The following MAGIX variants were observed in gnomAD, a reference collection of about 807,000 sequenced individuals.
The protein encoded by MAGIX is PDZ domain-containing protein MAGIX.
Under a neutral mutation model 10.0 loss-of-function variants are expected in MAGIX, and 13 were observed. The observed-to-expected ratio is 1.30, with a 90% CI of 0.84 to 2.06. The LOEUF (loss-of-function observed/expected upper bound fraction) is 2.06. Ranked by LOEUF, MAGIX falls within the 30% of genes most tolerant of loss-of-function variation. The pLI, the probability that MAGIX is intolerant of heterozygous loss-of-function variation, is 0.00. For synonymous variants in MAGIX, 108 were observed against 106.8 expected, an observed-to-expected ratio of 1.01 and a Z score of -0.07; for missense variants, 235 against 245.2, an observed-to-expected ratio of 0.96 and a Z score of 0.28.
intron 1 of MAGIX, 33 bp downstream of exon 1, chrX:49,162,971 G>A (rs782054302): frequency 1.2e-5 from 6 of 521,522 alleles, no homozygotes; most frequent in African/African-American, 2.5e-5. Context: ...GGAAGGACAG[G>A]GCGAGTCGCC....
chrX:49,165,143 G>T (rs1447522920), intron 3 of MAGIX, 47 bp from the exon 5 acceptor site: 3 of 1,200,679 alleles, frequency 2.5e-6, no homozygotes, highest in Middle Eastern at 4.6e-4. Flanking sequence ...CTTTGTTGGG[G>T]TGCTCTCCTT....
chrX:49,165,084 T>C (rs782036059), exon 3 of MAGIX: 1 of 1,203,316 alleles, frequency 8.3e-7, no homozygotes, highest in Non-Finnish European at 1.1e-6. Context: ...GCTGTGGTCG[T>C]TTGGAGGTGA....
At position 49,163,947 on chromosome X, in the gene MAGIX, G is replaced by A; in HGVS notation, c.-55+18G>A. 9.9e-7 allele frequency: 1 copy of A among 1,008,986 alleles called. No homozygotes were observed. The highest frequency in any genetic ancestry group is 1.3e-6 in the Non-Finnish European group (1 of 793,859). The allele number at this position is 1,008,986 out of a possible 1,213,427, so 83.2% of individuals were successfully genotyped here. A position where few individuals can be genotyped will look rare whatever the true frequency, so the allele number is the denominator to read the frequency against. On this transcript the variant is annotated intron_variant, in intron 2 of 4. Transcript: ENST00000616266. ...GAAGGAGGGTGAGTGACTGGCGCAG[G>A]GCCTCCGCTGGGGGAGGGTTCGGAG...
intron 1 of MAGIX, chrX:49,162,852 A>C (rs782050926): frequency 5.7e-6 from 5 of 870,340 alleles, no homozygotes; most frequent in Admixed American, 4.0e-5. Context: ...CAAAATTCGT[A>C]GCTGGCAGCC....
At chrX:49,163,988 T>A in intron 2 of MAGIX, 59 bp downstream of exon 2, 1 of 966,799 alleles carries the variant, frequency 1.0e-6, no homozygotes, top group African/African-American at 2.1e-5. Context: ...TTGGGTTCAG[T>A]GGGACAGGCC....
intron 4 of MAGIX, chrX:49,165,640 A>G: frequency 2.9e-6 from 1 of 342,506 alleles, no homozygotes; most frequent in Non-Finnish European, 5.0e-6. Flanking sequence ...GTCTAGGATA[A>G]AAGCAAGTGT....
At chrX:49,163,649 C>T in intron 1 of MAGIX, 134 bp from the exon 2 acceptor site, 1 of 600,387 alleles carries the variant, frequency 1.7e-6, no homozygotes, top group Non-Finnish European at 2.2e-6. Context: ...CAGCAGTGAC[C>T]TCCGAAACTA....
exon 5 of MAGIX, chrX:49,167,564 G>A (rs1226526384): frequency 1.8e-5 from 2 of 113,088 alleles, no homozygotes; most frequent in African/African-American, 6.4e-5. Flanking sequence ...AGTCCAGGTG[G>A]CCTTGGAGAG....
At chrX:49,165,290 T>C in exon 4 of MAGIX, 1 of 1,182,289 alleles carries the variant, frequency 8.5e-7, no homozygotes, top group Non-Finnish European at 1.1e-6. Flanking sequence ...CAGCTCCACC[T>C]GGTTATTCGT....
At position 49,166,319 on chromosome X, in the gene MAGIX, G is replaced by A. The variant is rs1291961256; in HGVS notation, c.748G>A (p.Glu250Lys). 1.8e-5 allele frequency: 21 copies of A among 1,175,438 alleles called. No individual in the cohort carries two copies. The highest frequency in any genetic ancestry group is 2.2e-5 in the Non-Finnish European group (19 of 877,636). The stretch of plus-strand genomic sequence containing the variant: ...GGGGCCCTGGCTAGTGCCCAGCGAG[G>A]AACGGCTCTCGCGGGCCCTAGGGGT... The change falls in exon 5 of 5, where the codon GAA becomes AAA. Residue 250 changes from glutamate (E) to lysine (K), a missense_variant. Coordinates refer to ENST00000616266, the Ensembl canonical transcript of MAGIX.
At chrX:49,164,761 A>C (rs782405786) in exon 3 of MAGIX, 303 of 1,210,493 alleles carry the variant, frequency 2.5e-4, no homozygotes, top group Non-Finnish European at 3.3e-4. Context: ...CGCCTGCCTC[A>C]TGCCACTATT....
At chrX:49,163,866 G>T in exon 2 of MAGIX, 2 of 1,040,751 alleles carry the variant, frequency 1.9e-6, no homozygotes, top group Non-Finnish European at 2.5e-6. Context: ...GGCGCGAGCT[G>T]CGGTCGACGT....
At chrX:49,164,917 C>T (rs1557097260) in exon 3 of MAGIX, 6 of 1,212,126 alleles carry the variant, frequency 4.9e-6, no homozygotes, top group Middle Eastern at 2.3e-4. Flanking sequence ...GGGTAAGGCA[C>T]GTAGTGCTCC....
chrX:49,164,115 GAGGGT>G (rs1314525083), intron 2 of MAGIX, 186 bp downstream of exon 2: 2 of 354,934 alleles, frequency 5.6e-6, no homozygotes, highest in Non-Finnish European at 9.2e-6. Flanking sequence ...CATATTCCTT[GAGGGT>G]TATTGCAGTC....
exon 5 of MAGIX, chrX:49,166,331 C>T: frequency 1.7e-6 from 2 of 1,172,477 alleles, no homozygotes; most frequent in Non-Finnish European, 2.3e-6. Flanking sequence ...ACGGCTCTCG[C>T]GGGCCCTAGG....
chrX:49,162,757 C>A lies in MAGIX; in HGVS notation c.-202+12C>A, dbSNP rs951750718. On this transcript the variant is annotated intron_variant, in intron 1 of 4. Coordinates refer to ENST00000616266, the Ensembl canonical transcript of MAGIX. ...TTGCTGGCCGCCAGGTAGGTCACCG[C>A]GCGGGTCCGGGAGCCAGGCACGGGA... is the stretch of plus-strand genomic sequence containing the variant. 1.1e-5 allele frequency: 4 copies of A among 357,140 alleles called. No homozygotes were observed. The highest frequency in any genetic ancestry group is 4.7e-5 in the East Asian group (1 of 21,101). The allele number at this position is 357,140 out of a possible 1,213,427, so 29.4% of individuals were successfully genotyped here. A position where few individuals can be genotyped will look rare whatever the true frequency, so the allele number is the denominator to read the frequency against.
At chrX:49,164,374 T>C (rs781875380) in intron 2 of MAGIX, 81 of 358,417 alleles carry the variant, frequency 2.3e-4, no homozygotes, top group African/African-American at 1.6e-3. Context: ...AGCCAAATTT[T>C]GGAGTAGCAT....
At chrX:49,163,957 G>T in intron 2 of MAGIX, 28 bp downstream of exon 2, 1 of 1,006,040 alleles carries the variant, frequency 9.9e-7, no homozygotes, top group East Asian at 4.1e-5. Flanking sequence ...GGCCTCCGCT[G>T]GGGGAGGGTT....
chrX:49,164,157 C>T, intron 2 of MAGIX: 1 of 293,894 alleles, frequency 3.4e-6, no homozygotes, highest in East Asian at 5.4e-5. Context: ...GATGAGAGTG[C>T]GGAACTGGAC....
Sources: gnomAD v4.1 joint callset for allele counts on GRCh38, gnomAD v4.1.1 for gene constraint, MANE v1.5 for transcripts, NCBI Gene and HGNC (gene_info 2026-07-23, HGNC 2026-07-21) for gene names.